The following NBR1 variants were observed in gnomAD, a reference collection of about 807,000 sequenced individuals.
NBR1 encodes NBR1 autophagy cargo receptor.
In NBR1, 59 loss-of-function variants were observed where a neutral mutation model predicts 115.5. That is an observed-to-expected ratio of 0.51 (90% CI 0.41 to 0.63). The LOEUF (loss-of-function observed/expected upper bound fraction) is 0.63, where lower values mean the gene tolerates loss of function less well. NBR1 is among the 30% of genes least tolerant of loss of function. NBR1 has a pLI of 0.00. For missense variants in NBR1, 1,043 were observed against 1,150.5 expected (o/e 0.91, Z 1.35); for synonymous variants, 373 against 414.7 (o/e 0.90, Z 1.22).
chr17:43,180,420 G>T (rs1285243418), intron 4 of NBR1, among the ~76,000 whole-genome samples: 1 of 152,128 alleles, frequency 6.6e-6, no homozygotes, highest in Non-Finnish European at 1.5e-5. Context: ...TAAAAATGTG[G>T]CATTATAATC....
At chr17:43,194,554 G>C in intron 13 of NBR1, 55 bp downstream of exon 13, 2 of 1,594,484 alleles carry the variant, frequency 1.3e-6, no homozygotes, top group South Asian at 1.1e-5. Flanking sequence ...GCACAGGAGA[G>C]AAGGTGGTAG....
Position 43,189,136 on chromosome 17 carries a change from G to T in NBR1, c.480+17G>T, listed in dbSNP as rs2271572. The T allele has an allele frequency of 6.3e-7, 1 of 1,584,136 alleles. No individual in the cohort carries two copies. The highest frequency in any genetic ancestry group is 8.7e-7 in the Non-Finnish European group (1 of 1,152,822). On this transcript the variant is annotated intron_variant, in intron 7 of 20. Transcript: ENST00000590996. ...CTGGAGACGGTGAGTGTTCTGTCTC[G>T]CTTGGGTTTTAACTGCGGTGTTGGC...
At chr17:43,180,877 T>G (rs2056646737) in intron 5 of NBR1, 60 bp downstream of exon 5, 1 of 1,298,216 alleles carries the variant, frequency 7.7e-7, no homozygotes, top group Admixed American at 3.7e-5. Flanking sequence ...GGGTTGGTTT[T>G]TTTTCTTTTT....
In NBR1 at chr17:43,193,538, G is replaced by A. The variant is rs770571084; in HGVS notation, c.1424G>A (p.Ser475Asn). The change falls in exon 12 of 21, where the codon AGT becomes AAT. Residue 475 changes from serine to asparagine, a missense_variant. Ser to Asn is a conservative substitution (Grantham distance 46, BLOSUM62 1). Transcript: ENST00000590996. ...GQQFGPRVWC[S>N]IIVDPFPSEE... ...CAATTTGGGCCTCGGGTCTGGTGCA[G>A]TATCATAGTAGATCCTTTCCCCTCC... is the stretch of plus-strand genomic sequence containing the variant. The A allele has an allele frequency of 6.2e-7, 1 of 1,613,410 alleles. No homozygotes were observed. Among genetic ancestry groups the A allele is most frequent in the South Asian group, 1.1e-5 (1 of 90,952 alleles).
chr17:43,174,037 A>G (rs762776935), intron 1 of NBR1, among the ~76,000 whole-genome samples: 42 of 152,186 alleles, frequency 2.8e-4, no homozygotes, highest in Non-Finnish European at 5.0e-4. Context: ...CTGATTAAGG[A>G]ATTGTTAACT....
At chr17:43,173,081 C>G (rs928182594) in intron 1 of NBR1, among the ~76,000 whole-genome samples, 1 of 152,162 alleles carries the variant, frequency 6.6e-6, no homozygotes, top group African/African-American at 2.4e-5. Context: ...CCACCTCGGC[C>G]TCCCAAAGTG....
intron 5 of NBR1, among the ~76,000 whole-genome samples, chr17:43,182,482 A>G (rs770665103): frequency 6.6e-6 from 1 of 151,464 alleles, no homozygotes; most frequent in Non-Finnish European, 1.5e-5. Flanking sequence ...TGGCCTGCCA[A>G]GGTGCTGGGA....
At chr17:43,194,783 C>T (rs1281739722) in intron 13 of NBR1, 181 bp from the exon 14 acceptor site, 10 of 628,152 alleles carry the variant, frequency 1.6e-5, no homozygotes, top group Admixed American at 3.2e-5. Flanking sequence ...TTTCTCTTTC[C>T]TGCTATTGGG....
At chr17:43,177,333 A>T (rs1249212853) in intron 2 of NBR1, among the ~76,000 whole-genome samples, 1 of 149,104 alleles carries the variant, frequency 6.7e-6, no homozygotes, top group African/African-American at 2.5e-5. Flanking sequence ...ACTTCAGGAG[A>T]TATCCATCTA....
chr17:43,198,969 A>G lies in NBR1; in HGVS notation c.2027-1198A>G, dbSNP rs1275121378. Among the ~76,000 whole-genome samples the G allele has an allele frequency of 2.6e-5, 4 of 152,196 alleles. No individual in the cohort carries two copies. The East Asian group carries it at 5.8e-4, about 22-fold the overall frequency. ...CAGAGTGAGACTCCATCTCAAATCA[A>G]TCAGTCATGTATATCTTTATATTTT... On this transcript the variant is annotated intron_variant, in intron 16 of 20. Transcript: ENST00000590996.
At chr17:43,174,056 A>C (rs1002671836) in intron 1 of NBR1, among the ~76,000 whole-genome samples, 1 of 152,194 alleles carries the variant, frequency 6.6e-6, no homozygotes, top group Non-Finnish European at 1.5e-5. Flanking sequence ...CTTGTTAGGC[A>C]TGATAATGAT....
rs745895799 is a variant in NBR1 at position 43,189,546 on chromosome 17, T to C, written c.481-42T>C. 2.0e-5 allele frequency: 29 copies of C among 1,449,186 alleles called. No homozygotes were observed. The East Asian group carries it at 2.5e-4, about 13-fold the overall frequency. The allele number at this position is 1,449,186 out of a possible 1,614,324, so 89.8% of individuals were successfully genotyped here. ...GATATCTTCACATTTTTTTCTGATATTGGAACTGAGTTTTTTCCCTACCTT... is the reference window on the plus strand; with the variant it reads ...GATATCTTCACATTTTTTTCTGATACTGGAACTGAGTTTTTTCCCTACCTT... On this transcript the variant is annotated intron_variant, in intron 7 of 20. Transcript: ENST00000590996.
At chr17:43,203,598 T>G in intron 19 of NBR1, 83 bp from the exon 20 acceptor site, 1 of 801,300 alleles carries the variant, frequency 1.2e-6, no homozygotes, top group Non-Finnish European at 2.0e-6. Context: ...GAAATCTTAT[T>G]CCAAGGATTA....
Position 43,210,093 on chromosome 17 carries a change from A to T in NBR1, c.*19A>T. On this transcript the variant is annotated 3_prime_UTR_variant, in exon 21 of 21. Coordinates refer to ENST00000590996, the MANE Select transcript of NBR1 (RefSeq NM_005899.5). ...CTATTGAGGAGTGACCTTGTATTAA[A>T]TAACTGCCTGCTGCTCAGAGATGAT... 6.3e-7 allele frequency: 1 copy of T among 1,598,518 alleles called. No homozygotes were observed. Among genetic ancestry groups the T allele is most frequent in the Non-Finnish European group, 8.5e-7 (1 of 1,172,224 alleles).
intron 18 of NBR1, 47 bp downstream of exon 18, chr17:43,201,827 A>G: frequency 2.7e-6 from 3 of 1,106,766 alleles, no homozygotes; most frequent in Non-Finnish European, 4.1e-6. Flanking sequence ...CTCCTGTCTA[A>G]TGGAAACCAG....
At chr17:43,175,762 C>G in intron 1 of NBR1, 29 bp from the exon 2 acceptor site, 2 of 1,087,198 alleles carry the variant, frequency 1.8e-6, no homozygotes, top group Non-Finnish European at 2.7e-6. Context: ...GTGTTTTTCT[C>G]TCTCTCCCAC....
At chr17:43,184,961 C>T (rs912830212) in intron 5 of NBR1, among the ~76,000 whole-genome samples, 3 of 151,760 alleles carry the variant, frequency 2.0e-5, no homozygotes, top group Non-Finnish European at 4.4e-5. Flanking sequence ...TGGTGGCGTG[C>T]GCCTATAGTC....
At chr17:43,180,183 CAG>C (rs1040727677) in intron 4 of NBR1, among the ~76,000 whole-genome samples, 2 of 152,076 alleles carry the variant, frequency 1.3e-5, no homozygotes, top group Admixed American at 6.6e-5. Flanking sequence ...CGCTTAATGA[CAG>C]AGATTTGTAC....
rs1045629090 is a variant in NBR1 at position 43,211,308 on chromosome 17, G to A, written c.*1234G>A. 5 of 152,616 alleles carry A rather than the reference G, an allele frequency of 3.3e-5. No individual in the cohort carries two copies. The highest frequency in any genetic ancestry group is 7.2e-5 in the African/African-American group (3 of 41,434). The allele number at this position is 152,616 out of a possible 1,614,324, so 9.5% of individuals were successfully genotyped here. ...ATGAAAATGACTTCCAGAAAAGGAA[G>A]AATATGAACCCCAGACCGAAGGGGA... On this transcript the variant is annotated 3_prime_UTR_variant, in exon 21 of 21. Coordinates refer to ENST00000590996, the MANE Select transcript of NBR1 (RefSeq NM_005899.5).
Sources: gnomAD v4.1 joint callset for allele counts (sites outside exome capture counted in the v4.1 genomes callset) on GRCh38, gnomAD v4.1.1 for gene constraint, MANE v1.5 for transcripts, NCBI Gene and HGNC (gene_info 2026-07-23, HGNC 2026-07-21) for gene names.